ENTPD4: variants seen among roughly 807,000 people sequenced by gnomAD.
ENTPD4 encodes the protein ectonucleoside triphosphate diphosphohydrolase 4.
ENTPD4 carries 60 observed loss-of-function variants against 79.1 expected under a neutral mutation model. That is an observed-to-expected ratio of 0.76 (90% CI 0.62 to 0.94). The LOEUF (loss-of-function observed/expected upper bound fraction) is 0.94, where lower values mean the gene tolerates loss of function less well. Ranked by LOEUF, ENTPD4 falls within the 40% of genes least tolerant of loss-of-function variation. ENTPD4 has a pLI of 0.00. For synonymous variants in ENTPD4, 276 were observed against 292.0 expected (o/e 0.95, Z 0.56); for missense variants, 772 against 775.1 (o/e 1.00, Z 0.05).
intron 9 of ENTPD4, among the ~76,000 whole-genome samples, chr8:23,438,477 T>C (rs1489484729): frequency 6.6e-6 from 1 of 152,204 alleles, no homozygotes; most frequent in Non-Finnish European, 1.5e-5. Context: ...GCTCAATTCA[T>C]GACATATGAA....
chr8:23,441,019 T>C (rs1800658857), intron 8 of ENTPD4, among the ~76,000 whole-genome samples: 1 of 152,158 alleles, frequency 6.6e-6, no homozygotes, highest in Non-Finnish European at 1.5e-5. Context: ...AATAAAGACG[T>C]GTAGCAATTC....
rs190330817 is a variant in ENTPD4 at position 23,431,997 on chromosome 8, G to A, written c.*929C>T. ...AACCAGCATTGCCTCCCCTCACGCT[G>A]GTTTCTTGGGATTTTTCACACACTC... On this transcript the variant is annotated 3_prime_UTR_variant, in exon 13 of 13. Coordinates refer to ENST00000358689, the MANE Select transcript of ENTPD4 (RefSeq NM_004901.5). The A allele has an allele frequency of 5.1e-4, 505 of 985,318 alleles. 9 individuals carry two copies. The highest frequency in any genetic ancestry group is 2.0e-4 in the Non-Finnish European group (163 of 829,912). The allele number at this position is 985,318 out of a possible 1,614,324, so 61.0% of individuals were successfully genotyped here. A position where few individuals can be genotyped will look rare whatever the true frequency, so the allele number is the denominator to read the frequency against.
rs1322938106 is a variant in ENTPD4 at position 23,431,473 on chromosome 8, T to C, written c.*1453A>G. The stretch of plus-strand genomic sequence containing the variant: ...GGTGAAAAAACACCAATCTCACATA[T>C]GCCAATCCAATTGTCCTTTTTAGAT... On this transcript the variant is annotated 3_prime_UTR_variant, in exon 13 of 13. Transcript: ENST00000358689. The C allele has an allele frequency of 2.0e-6, 2 of 985,334 alleles. No homozygotes were observed. Among genetic ancestry groups the C allele is most frequent in the African/African-American group, 1.7e-5 (1 of 57,250 alleles). The allele number at this position is 985,334 out of a possible 1,614,324, so 61.0% of individuals were successfully genotyped here.
rs1166196207 is a variant in ENTPD4, at chr8:23,432,248, T to C, written c.*678A>G. ...ATTATCATTTCAGGCAGTAAGTTTT[T>C]TGGTTCTATGAAAGCATCACTATTC... On this transcript the variant is annotated 3_prime_UTR_variant, in exon 13 of 13. Coordinates refer to ENST00000358689, the MANE Select transcript of ENTPD4 (RefSeq NM_004901.5). 1.0e-6 allele frequency: 1 copy of C among 985,342 alleles called. No homozygotes were observed. The highest frequency in any genetic ancestry group is 1.7e-5 in the African/African-American group (1 of 57,244). The allele number at this position is 985,342 out of a possible 1,614,324, so 61.0% of individuals were successfully genotyped here. A position where few individuals can be genotyped will look rare whatever the true frequency, so the allele number is the denominator to read the frequency against.
In ENTPD4 at chr8:23,439,752, T is replaced by C. The variant is rs1227780259; in HGVS notation, c.1046A>G (p.Asn349Ser). Residue 349 changes from asparagine to serine, a missense_variant, in exon 9 of 13, where the codon AAC becomes AGC. By Grantham distance (46) the Asn-to-Ser change is conservative (BLOSUM62 1). Transcript: ENST00000358689. The part of the protein sequence containing the change: ...DRIFANTIQK[N>S]RLLGKQTGLT... ...CAAGTAGTGAAAGGTGCTTTACCTGTTCTTTTGAATGGTGTTGGCAAATAT... is the reference window on the plus strand; with the variant it reads ...CAAGTAGTGAAAGGTGCTTTACCTGCTCTTTTGAATGGTGTTGGCAAATAT... 7.4e-6 allele frequency: 12 copies of C among 1,614,068 alleles called. No homozygotes were observed. In the Admixed American group the frequency reaches 8.3e-5, roughly 11 times the overall value.
Position 23,431,191 on chromosome 8 carries a change from G to A in ENTPD4, c.*1735C>T. The A allele has an allele frequency of 2.6e-6, 1 of 381,234 alleles. No homozygotes were observed. The highest frequency in any genetic ancestry group is 3.6e-6 in the Non-Finnish European group (1 of 278,302). The allele number at this position is 381,234 out of a possible 1,614,324, so 23.6% of individuals were successfully genotyped here. A position where few individuals can be genotyped will look rare whatever the true frequency, so the allele number is the denominator to read the frequency against. ...GAACTGCCCCTAATGCTCAGTTCAT[G>A]GCAATACAGGCCTTTTCTCTCCTGT... On this transcript the variant is annotated 3_prime_UTR_variant, in exon 13 of 13. Transcript: ENST00000358689.
intron 3 of ENTPD4, among the ~76,000 whole-genome samples, chr8:23,448,483 G>A (rs937949887): frequency 6.6e-6 from 1 of 152,178 alleles, no homozygotes; most frequent in Non-Finnish European, 1.5e-5. Flanking sequence ...AGAAACTTCA[G>A]GGAGCCCCCT....
At chr8:23,435,168 C>T (rs991385713) in intron 11 of ENTPD4, among the ~76,000 whole-genome samples, 2 of 152,162 alleles carry the variant, frequency 1.3e-5, no homozygotes, top group Non-Finnish European at 2.9e-5. Context: ...AAGGTATGAA[C>T]AGGGGAATTT....
intron 1 of ENTPD4, among the ~76,000 whole-genome samples, chr8:23,455,459 G>A (rs1340156336): frequency 6.6e-6 from 1 of 152,110 alleles, no homozygotes; most frequent in Non-Finnish European, 1.5e-5. Context: ...GGAGGCTGCC[G>A]GGTGGCACCG....
At position 23,435,381 on chromosome 8, in the gene ENTPD4, C is replaced by G; in HGVS notation, c.1460+11G>C. 1 of 1,606,806 alleles carries G rather than the reference C, an allele frequency of 6.2e-7. No homozygotes were observed. Among genetic ancestry groups the G allele is most frequent in the African/African-American group, 1.3e-5 (1 of 74,922 alleles). ...TTAAGAGTGCCCTGGGCTTGACCTT[C>G]TAGTACTTACTTAAGCCTGTGGAGG... is the stretch of plus-strand genomic sequence containing the variant. On this transcript the variant is annotated intron_variant, in intron 11 of 12. Coordinates refer to ENST00000358689, the MANE Select transcript of ENTPD4 (RefSeq NM_004901.5).
intron 12 of ENTPD4, 56 bp downstream of exon 12, chr8:23,434,261 G>A (rs1001822544): frequency 3.1e-6 from 5 of 1,598,844 alleles, no homozygotes; most frequent in Admixed American, 1.7e-5. Context: ...GCCATGAGGT[G>A]CTGTAACTGC....
In ENTPD4 at chr8:23,447,637, G is replaced by A. The variant is rs754702585; in HGVS notation, c.412+43C>T. 4 of 1,478,580 alleles carry A rather than the reference G, an allele frequency of 2.7e-6. No homozygotes were observed. In the South Asian group the frequency reaches 4.5e-5, roughly 17 times the overall value. 91.6% of individuals were successfully genotyped at this position (1,478,580 alleles called of 1,614,324 possible). ...TATGAAAGACGCCACAGAGAATGAA[G>A]GTACACACCCTGGTTACCAGGCAGA... On this transcript the variant is annotated intron_variant, in intron 4 of 12. Coordinates refer to ENST00000358689, the MANE Select transcript of ENTPD4 (RefSeq NM_004901.5).
intron 1 of ENTPD4, among the ~76,000 whole-genome samples, chr8:23,454,285 A>T (rs1563229789): frequency 6.6e-6 from 1 of 152,114 alleles, no homozygotes; most frequent in Non-Finnish European, 1.5e-5. Context: ...TAAAAAAAAC[A>T]TCAGTGATAG....
chr8:23,429,425 A>C lies in ENTPD4; in HGVS notation c.*3501T>G. ...TCATTCATTATTGAAAGGGAAACTT[A>C]GTATCAAAAGAAACAAAACACTGAA... On this transcript the variant is annotated 3_prime_UTR_variant, in exon 13 of 13. Coordinates refer to ENST00000358689, the MANE Select transcript of ENTPD4 (RefSeq NM_004901.5). 1 of 985,020 alleles carries C rather than the reference A, an allele frequency of 1.0e-6. No individual in the cohort carries two copies. Among genetic ancestry groups the C allele is most frequent in the Non-Finnish European group, 1.2e-6 (1 of 829,502 alleles). The allele number at this position is 985,020 out of a possible 1,614,324, so 61.0% of individuals were successfully genotyped here.
intron 1 of ENTPD4, among the ~76,000 whole-genome samples, chr8:23,455,731 T>A (rs748037107): frequency 6.6e-6 from 1 of 152,198 alleles, no homozygotes; most frequent in Non-Finnish European, 1.5e-5. Context: ...CCAAGCTCAT[T>A]GAAGCCCTGT....
intron 1 of ENTPD4, among the ~76,000 whole-genome samples, chr8:23,453,073 C>T (rs1800894083): frequency 1.3e-5 from 2 of 152,064 alleles, no homozygotes; most frequent in Non-Finnish European, 2.9e-5. Flanking sequence ...TAGATATAGG[C>T]CCAGACCTTA....
chr8:23,434,612 C>T (rs1800523093), intron 11 of ENTPD4, 134 bp from the exon 12 acceptor site: 1 of 1,481,422 alleles, frequency 6.8e-7, no homozygotes, highest in East Asian at 2.4e-5. Flanking sequence ...CTCTCCCAAA[C>T]CAACTGCGCG....
At chr8:23,444,000 T>TA in intron 5 of ENTPD4, 47 bp from the exon 6 acceptor site, 2 of 1,312,194 alleles carry the variant, frequency 1.5e-6, no homozygotes, top group Non-Finnish European at 1.1e-6. Flanking sequence ...TACAGCTTGG[T>TA]ATCTTCTGTT....
In ENTPD4 at chr8:23,433,026, C is replaced by G. The variant is rs971814133; in HGVS notation, c.1751G>C (p.Arg584Pro). The change falls in exon 13 of 13, where the codon CGG becomes CCG. Residue 584 changes from arginine to proline, a missense_variant. Arg to Pro is a moderately radical substitution (Grantham distance 103, BLOSUM62 -2). Coordinates refer to ENST00000358689, the MANE Select transcript of ENTPD4 (RefSeq NM_004901.5). The part of the protein sequence containing the change: ...VLLAILLYLL[R>P]LRRIHRRTPR... ...AGTGCGCCTGTGGATGCGCCGCAGC[C>G]GCAGCAGGTACAGCAGGATGGCCAG... is the stretch of plus-strand genomic sequence containing the variant. The G allele has an allele frequency of 1.2e-6, 2 of 1,614,036 alleles. No homozygotes were observed. The highest frequency in any genetic ancestry group is 1.7e-6 in the Non-Finnish European group (2 of 1,179,994).
Sources: allele counts gnomAD v4.1 joint callset (sites outside exome capture counted in the v4.1 genomes callset), GRCh38; gene constraint gnomAD v4.1.1; transcripts MANE v1.5; gene names NCBI Gene and HGNC (gene_info 2026-07-23, HGNC 2026-07-21).